SAMSN1: variants seen among roughly 807,000 people sequenced by gnomAD.
SAMSN1 encodes SAM domain-containing protein SAMSN-1.
In SAMSN1, 31 loss-of-function variants were observed where a neutral mutation model predicts 42.0. The ratio of observed to expected loss-of-function variants is 0.74; its 90% confidence interval spans 0.55 to 1.00. SAMSN1 has a LOEUF of 1.00. SAMSN1 is among the 50% of genes least tolerant of loss of function. The pLI is 0.00. For synonymous variants in SAMSN1, 178 were observed against 151.9 expected (o/e 1.17, Z -1.26); for missense variants, 464 against 439.4 (o/e 1.06, Z -0.50).
chr21:14,537,508 T>C (rs1979706982), intron 1 of SAMSN1, among the ~76,000 whole-genome samples: 1 of 152,240 alleles, frequency 6.6e-6, no homozygotes, highest in African/African-American at 2.4e-5. Context: ...GTATTGTCCA[T>C]AATAAGCATT....
intron 2 of SAMSN1, among the ~76,000 whole-genome samples, chr21:14,566,911 G>A (rs1368657326): frequency 6.6e-6 from 1 of 151,994 alleles, no homozygotes; most frequent in African/African-American, 2.4e-5. Flanking sequence ...ACCACCTAGA[G>A]ACCTATTGTC....
intron 2 of SAMSN1, among the ~76,000 whole-genome samples, chr21:14,554,665 T>C (rs79977632): frequency 0.019 from 2,810 of 151,550 alleles, 40 homozygotes; most frequent in African/African-American, 0.04. Context: ...TGTCAGGTGA[T>C]CAACTAGCAG....
chr21:14,506,891 A>G (rs1987436820), intron 5 of SAMSN1, among the ~76,000 whole-genome samples: 1 of 152,256 alleles, frequency 6.6e-6, no homozygotes, highest in Admixed American at 6.5e-5. Flanking sequence ...GGTTTAATAT[A>G]TGCACTTCAA....
chr21:14,552,176 A>G (rs1412255882), intron 2 of SAMSN1, among the ~76,000 whole-genome samples: 2 of 152,014 alleles, frequency 1.3e-5, no homozygotes, highest in Non-Finnish European at 2.9e-5. Context: ...AACCCAAGCT[A>G]CCTTGTTGAG....
intron 2 of SAMSN1, among the ~76,000 whole-genome samples, chr21:14,517,934 A>T (rs1987987704): frequency 6.6e-6 from 1 of 152,208 alleles, no homozygotes; most frequent in African/African-American, 2.4e-5. Context: ...TTCTCAAAAT[A>T]TGATCCCTGG....
intron 7 of SAMSN1, among the ~76,000 whole-genome samples, chr21:14,588,503 A>T (rs1457867352): frequency 1.3e-5 from 2 of 151,304 alleles, no homozygotes; most frequent in Admixed American, 6.6e-5. Context: ...GCCAGTGATG[A>T]TGAGCATTTT....
chr21:14,536,888 G>A (rs73894247), intron 1 of SAMSN1, among the ~76,000 whole-genome samples: 2,359 of 152,288 alleles, frequency 0.015, 61 homozygotes, highest in African/African-American at 0.054. Flanking sequence ...AATGGATAAA[G>A]TAAGTACAAA....
At chr21:14,516,754 C>A in intron 3 of SAMSN1, 138 bp downstream of exon 3, 3 of 647,652 alleles carry the variant, frequency 4.6e-6, no homozygotes, top group Non-Finnish European at 7.5e-6. Context: ...TCCTTCCACC[C>A]AAGTTCTGGG....
At chr21:14,536,453 T>C (rs1408639061) in intron 1 of SAMSN1, among the ~76,000 whole-genome samples, 1 of 152,230 alleles carries the variant, frequency 6.6e-6, no homozygotes, top group African/African-American at 2.4e-5. Flanking sequence ...TAGCTATTCA[T>C]CTGATCTTTC....
chr21:14,649,832 GA>G (rs1983800635), intron 1 of SAMSN1, among the ~76,000 whole-genome samples: 2 of 149,226 alleles, frequency 1.3e-5, no homozygotes, highest in South Asian at 4.2e-4. Flanking sequence ...GAGAGAAAAT[GA>G]AGGGATGGAA....
At chr21:14,535,544 G>A (rs752998674) in intron 1 of SAMSN1, among the ~76,000 whole-genome samples, 10 of 152,254 alleles carry the variant, frequency 6.6e-5, no homozygotes, top group African/African-American at 9.6e-5. Flanking sequence ...CCACAAATTC[G>A]TATGTTTGAA....
intron 2 of SAMSN1, among the ~76,000 whole-genome samples, chr21:14,569,104 A>G (rs1052297601): frequency 6.7e-6 from 1 of 150,040 alleles, no homozygotes. Flanking sequence ...CAGCCTAGGC[A>G]ACATAGCAAT....
At chr21:14,498,371 G>T in intron 7 of SAMSN1, 71 bp downstream of exon 7, 2 of 1,328,638 alleles carry the variant, frequency 1.5e-6, no homozygotes, top group African/African-American at 1.5e-5. Context: ...CTGGGGCTTT[G>T]TTTCTAATGA....
At chr21:14,521,099 A>T in intron 2 of SAMSN1, 51 bp downstream of exon 2, 1 of 1,145,100 alleles carries the variant, frequency 8.7e-7, no homozygotes, top group Non-Finnish European at 1.3e-6. Context: ...TCTTCATAAT[A>T]TTTCATAATG....
chr21:14,565,303 A>T (rs915985690), intron 2 of SAMSN1, among the ~76,000 whole-genome samples: 1 of 151,064 alleles, frequency 6.6e-6, no homozygotes, highest in Non-Finnish European at 1.5e-5. Flanking sequence ...AAAAAAAAAA[A>T]CATGTTTTGG....
rs147380819 is a variant in SAMSN1 at position 14,528,380 on chromosome 21, T to C, written c.58-7159A>G. On this transcript the variant is annotated intron_variant, in intron 1 of 7. Coordinates refer to ENST00000400566, the MANE Select transcript of SAMSN1 (RefSeq NM_022136.5). ...CATTATGCCAACACTTCCTTAAAATTCTCAAGAATTTCCCCAGGGAACCCA... is the reference window on the plus strand; with the variant it reads ...CATTATGCCAACACTTCCTTAAAATCCTCAAGAATTTCCCCAGGGAACCCA... 1.4e-4 allele frequency among the ~76,000 whole-genome samples: 21 copies of C among 152,280 alleles called. No homozygotes were observed. In the East Asian group the frequency reaches 3.9e-3, roughly 28 times the overall value.
At chr21:14,562,380 G>A (rs1480894725) in intron 2 of SAMSN1, among the ~76,000 whole-genome samples, 1 of 151,904 alleles carries the variant, frequency 6.6e-6, no homozygotes, top group African/African-American at 2.4e-5. Flanking sequence ...TCTCAGTTTG[G>A]TCCAACATGT....
At chr21:14,615,476 A>G (rs1367869042) in intron 3 of SAMSN1, among the ~76,000 whole-genome samples, 1 of 152,176 alleles carries the variant, frequency 6.6e-6, no homozygotes, top group Non-Finnish European at 1.5e-5. Flanking sequence ...AAATTTCCCC[A>G]TAAACCGGCT....
chr21:14,523,183 G>A (rs1978604071), intron 1 of SAMSN1: 2 of 152,076 alleles, frequency 1.3e-5, no homozygotes, highest in African/African-American at 2.4e-5. Flanking sequence ...AGGGCTCCTA[G>A]TCCCTAGAAG....
Sources: gnomAD v4.1 joint callset for allele counts (sites outside exome capture counted in the v4.1 genomes callset) on GRCh38, gnomAD v4.1.1 for gene constraint, MANE v1.5 for transcripts, NCBI Gene and HGNC (gene_info 2026-07-23, HGNC 2026-07-21) for gene names.